Variants in ETV5 observed in about 807,000 individuals in gnomAD.
ETV5 encodes ETS variant transcription factor 5, also known as ETS translocation variant 5.
In ETV5, 10 loss-of-function variants were observed where a neutral mutation model predicts 70.0. The observed-to-expected ratio is 0.14, with a 90% CI of 0.09 to 0.24. The LOEUF is 0.24. Among genes scored for constraint, ETV5 ranks in the 10% least tolerant of loss-of-function variants. The probability of loss-of-function intolerance (pLI) is 1.00; values close to 1 mark genes in which losing one functional copy is unlikely to be tolerated. For missense variants in ETV5, 453 were observed against 651.2 expected, an observed-to-expected ratio of 0.70 and a Z score of 3.31; for synonymous variants, 216 against 242.2, an observed-to-expected ratio of 0.89 and a Z score of 1.01.
At chr3:186,063,992 C>A (rs1257150966) in intron 9 of ETV5, among the ~76,000 whole-genome samples, 1 of 152,126 alleles carries the variant, frequency 6.6e-6, no homozygotes, top group African/African-American at 2.4e-5. Context: ...CATATAAAAA[C>A]CACCCTCACT....
At chr3:186,091,450 C>G (rs1027105649) in intron 5 of ETV5, among the ~76,000 whole-genome samples, 1 of 152,184 alleles carries the variant, frequency 6.6e-6, no homozygotes, top group African/African-American at 2.4e-5. Flanking sequence ...TAGCAGAATT[C>G]ATCAGTGAAC....
At chr3:186,070,491 C>T (rs1713605872) in intron 7 of ETV5, among the ~76,000 whole-genome samples, 1 of 152,246 alleles carries the variant, frequency 6.6e-6, no homozygotes, top group Admixed American at 6.5e-5. Flanking sequence ...AGCTTAGAGG[C>T]CTGTGATCTG....
chr3:186,099,305 G>C (rs1406690358), intron 5 of ETV5, among the ~76,000 whole-genome samples: 1 of 152,184 alleles, frequency 6.6e-6, no homozygotes, highest in Non-Finnish European at 1.5e-5. Flanking sequence ...GACGACCAAA[G>C]CCTCTGTTAA....
Position 186,068,341 on chromosome 3 carries a change from T to G in ETV5, c.651-2269A>C, listed in dbSNP as rs1012360242. On this transcript the variant is annotated intron_variant, in intron 7 of 12. Coordinates refer to ENST00000306376, the MANE Select transcript of ETV5 (RefSeq NM_004454.3). ...GTAGAGTATCAAAGCTTAGCAAAAATAAAAGTAGTAGTATGGTGTCATATA... is the reference window on the plus strand; with the variant it reads ...GTAGAGTATCAAAGCTTAGCAAAAAGAAAAGTAGTAGTATGGTGTCATATA... Among the ~76,000 whole-genome samples the G allele has an allele frequency of 4.1e-4, 62 of 152,254 alleles. 1 individual carries two copies. Among genetic ancestry groups the G allele is most frequent in the African/African-American group, 1.4e-3 (59 of 41,550 alleles).
In ETV5 at chr3:186,054,586, G is replaced by A. The variant is rs1713112507; in HGVS notation, c.1210-2455C>T. Among the ~76,000 whole-genome samples the A allele has an allele frequency of 3.9e-5, 6 of 152,258 alleles. No individual in the cohort carries two copies. The South Asian group carries it at 1.0e-3, about 26-fold the overall frequency. On this transcript the variant is annotated intron_variant, in intron 11 of 12. Transcript: ENST00000306376. This position sits in a 1 kb window ranked among gnomAD's most constrained non-coding sequence, Gnocchi z 4.4. ...ATTTGATTAGGGGGCCTGCCAAAAC[G>A]CAGTTCTAAAACCACAATTTCCATG... is the stretch of plus-strand genomic sequence containing the variant.
intron 11 of ETV5, among the ~76,000 whole-genome samples, chr3:186,053,333 C>T (rs1713078591): frequency 1.3e-5 from 2 of 152,178 alleles, no homozygotes; most frequent in Non-Finnish European, 2.9e-5. Context: ...AACTCCTGAC[C>T]TCAAGTGACC....
intron 5 of ETV5, among the ~76,000 whole-genome samples, chr3:186,082,451 G>T (rs1483388841): frequency 6.8e-6 from 1 of 146,368 alleles, no homozygotes; most frequent in Non-Finnish European, 1.5e-5. Flanking sequence ...TTTTTGAGAC[G>T]GAGTCTTACT....
chr3:186,103,041 C>T (rs1196092363), intron 5 of ETV5, among the ~76,000 whole-genome samples: 1 of 152,166 alleles, frequency 6.6e-6, no homozygotes, highest in African/African-American at 2.4e-5. Context: ...TGAAGCTCTA[C>T]CTCAAGAAAT....
In ETV5 at chr3:186,054,014, C is replaced by T. The variant is rs1028946213; in HGVS notation, c.1210-1883G>A. 6.6e-6 allele frequency among the ~76,000 whole-genome samples: 1 copy of T among 152,248 alleles called. No homozygotes were observed. The highest frequency in any genetic ancestry group is 2.4e-5 in the African/African-American group (1 of 41,458). On this transcript the variant is annotated intron_variant, in intron 11 of 12. Transcript: ENST00000306376. The surrounding 1 kb of genome is among the most constrained non-coding windows in gnomAD (Gnocchi z 4.4). ...TTCTTCAACTTCAGCGGCCACCTCT[C>T]AGCTGTCACTTGCATATGCAATTGC...
rs1452691730 is a variant in ETV5, at chr3:186,105,525, G to A, written c.134-29C>T. On this transcript the variant is annotated intron_variant, in intron 3 of 12. Coordinates refer to ENST00000306376, the MANE Select transcript of ETV5 (RefSeq NM_004454.3). This position sits in a 1 kb window ranked among gnomAD's most constrained non-coding sequence, Gnocchi z 4.5. ...AAATTGAAAAAGAAGACCCCAGAAT[G>A]AGGATATTTCTTTCGCTAGGGAGAA... The A allele has an allele frequency of 1.9e-6, 3 of 1,613,686 alleles. No individual in the cohort carries two copies. Among genetic ancestry groups the A allele is most frequent in the Middle Eastern group, 1.6e-4 (1 of 6,062 alleles).
intron 7 of ETV5, among the ~76,000 whole-genome samples, chr3:186,072,894 G>A (rs1342993944): frequency 6.6e-6 from 1 of 152,182 alleles, no homozygotes; most frequent in Non-Finnish European, 1.5e-5. Flanking sequence ...CAGCACTTTG[G>A]GAGGCCAAGG....
At chr3:186,080,650 G>T in intron 6 of ETV5, 1 of 231,252 alleles carries the variant, frequency 4.3e-6, no homozygotes, top group Non-Finnish European at 8.5e-6. Flanking sequence ...AAGGGCACAA[G>T]CTTCAAGACT....
At chr3:186,107,778 A>C (rs1714625118) in intron 1 of ETV5, among the ~76,000 whole-genome samples, 1 of 151,922 alleles carries the variant, frequency 6.6e-6, no homozygotes, top group South Asian at 2.1e-4. Context: ...TGGGAGAGCG[A>C]GCCGCGGCCG....
intron 6 of ETV5, chr3:186,080,548 TC>T (rs974780734): frequency 1.3e-5 from 3 of 232,656 alleles, no homozygotes; most frequent in African/African-American, 6.6e-5. Flanking sequence ...ACTCTTCTCC[TC>T]CCCCTTTCAG....
chr3:186,075,518 G>A (rs1713762627), intron 7 of ETV5, among the ~76,000 whole-genome samples: 1 of 152,166 alleles, frequency 6.6e-6, no homozygotes, highest in Admixed American at 6.5e-5. Context: ...CATCCTTAAG[G>A]AATTGGTAGT....
At chr3:186,076,463 A>T (rs955451459) in intron 7 of ETV5, 5 of 184,640 alleles carry the variant, frequency 2.7e-5, no homozygotes, top group African/African-American at 1.2e-4. Context: ...TATTGATGCT[A>T]AACTTAGTGT....
chr3:186,101,204 T>C (rs1385679087), intron 5 of ETV5, among the ~76,000 whole-genome samples: 2 of 152,242 alleles, frequency 1.3e-5, no homozygotes, highest in Admixed American at 1.3e-4. Context: ...ACAAACACTT[T>C]TTCATATATA....
chr3:186,083,727 T>TA (rs1242692245), intron 5 of ETV5, among the ~76,000 whole-genome samples: 1 of 152,236 alleles, frequency 6.6e-6, no homozygotes, highest in Non-Finnish European at 1.5e-5. Flanking sequence ...ACAAATGGAT[T>TA]ATATTTCCAA....
intron 7 of ETV5, among the ~76,000 whole-genome samples, chr3:186,069,774 C>T (rs781077960): frequency 3.7e-4 from 57 of 152,024 alleles, no homozygotes; most frequent in East Asian, 5.8e-4. Flanking sequence ...GCTGGGATTA[C>T]AGGCAAAAGC....
Sources: allele counts gnomAD v4.1 joint callset (sites outside exome capture counted in the v4.1 genomes callset), GRCh38; gene constraint gnomAD v4.1.1; non-coding constraint Gnocchi (gnomAD v3.1); transcripts MANE v1.5; gene names NCBI Gene and HGNC (gene_info 2026-07-23, HGNC 2026-07-21).